The following OR1J2 variants were observed in gnomAD, a reference collection of about 807,000 sequenced individuals.
OR1J2 encodes olfactory receptor family 1 subfamily J member 2.
For synonymous variants in OR1J2, 142 were observed against 99.7 expected (o/e 1.42, Z -2.52); for missense variants, 304 against 246.1 (o/e 1.24, Z -1.57).
the OR1J2 span, chr9:122,553,254 T>C: frequency 2.5e-6 from 4 of 1,613,780 alleles, no homozygotes; most frequent in Non-Finnish European, 3.4e-6. Context: ...TGTTTCAGAC[T>C]TCCTCCTTCT....
chr9:122,541,846 G>A, the OR1J2 span, among the ~76,000 whole-genome samples: 2 of 152,104 alleles, frequency 1.3e-5, no homozygotes, highest in Non-Finnish European at 2.9e-5. Flanking sequence ...ATGTTATTTG[G>A]TTACGGCATA....
chr9:122,520,004 C>G, the OR1J2 span: 1 of 1,614,074 alleles, frequency 6.2e-7, no homozygotes, highest in African/African-American at 1.3e-5. Flanking sequence ...TGAATCCCTT[C>G]ATTTATAGCC....
chr9:122,519,608 C>G, the OR1J2 span: 1 of 1,614,042 alleles, frequency 6.2e-7, no homozygotes, highest in Non-Finnish European at 8.5e-7. Flanking sequence ...GTACCAATGC[C>G]CTGTCTCACA....
At chr9:122,489,920 G>A in the OR1J2 span, among the ~76,000 whole-genome samples, 2 of 152,162 alleles carry the variant, frequency 1.3e-5, no homozygotes, top group East Asian at 3.9e-4. Context: ...GCTTTGCAAG[G>A]AGAGTAATAT....
the OR1J2 span, among the ~76,000 whole-genome samples, chr9:122,531,072 A>AT: frequency 1.2e-4 from 19 of 152,052 alleles, no homozygotes; most frequent in Non-Finnish European, 2.6e-4. Flanking sequence ...GATGGTGAAA[A>AT]TTTTTTGGGG....
downstream of OR1J2, among the ~76,000 whole-genome samples, chr9:122,515,262 A>G (rs1828683325): frequency 6.6e-6 from 1 of 152,096 alleles, no homozygotes; most frequent in South Asian, 2.1e-4. Flanking sequence ...TTGGTCTCCT[A>G]GAAAGAAGCT....
chr9:122,552,507 GGA>G, the OR1J2 span, among the ~76,000 whole-genome samples: 1 of 152,130 alleles, frequency 6.6e-6, no homozygotes, highest in Non-Finnish European at 1.5e-5. Flanking sequence ...GTGATGGAAG[GGA>G]GAGAGTGGCT....
the OR1J2 span, among the ~76,000 whole-genome samples, chr9:122,556,024 C>A: frequency 6.6e-6 from 1 of 152,210 alleles, no homozygotes; most frequent in Non-Finnish European, 1.5e-5. Context: ...TGTGCTTCAT[C>A]TAGTTATTCC....
At chr9:122,454,072 G>A in the OR1J2 span, among the ~76,000 whole-genome samples, 2 of 152,180 alleles carry the variant, frequency 1.3e-5, no homozygotes, top group Non-Finnish European at 2.9e-5. Context: ...CGTACATAAG[G>A]TCTCAGGTAA....
chr9:122,527,179 CA>C, the OR1J2 span: 3 of 1,614,140 alleles, frequency 1.9e-6, no homozygotes, highest in African/African-American at 4.0e-5. Flanking sequence ...AGCAGGTTCC[CA>C]GTCAAGGTGA....
At chr9:122,534,314 A>C in the OR1J2 span, among the ~76,000 whole-genome samples, 4 of 152,176 alleles carry the variant, frequency 2.6e-5, no homozygotes, top group African/African-American at 4.8e-5. Context: ...CAGATTGGGT[A>C]GTAAAATGTA....
At chr9:122,571,091 A>G in the OR1J2 span, among the ~76,000 whole-genome samples, 1 of 152,222 alleles carries the variant, frequency 6.6e-6, no homozygotes, top group Non-Finnish European at 1.5e-5. Context: ...TTTCTACAGA[A>G]TTACCCTCTT....
At chr9:122,458,381 G>A in the OR1J2 span, among the ~76,000 whole-genome samples, 1 of 152,056 alleles carries the variant, frequency 6.6e-6, no homozygotes, top group African/African-American at 2.4e-5. Flanking sequence ...TATTTTGATG[G>A]GTTCAAAAAG....
the OR1J2 span, among the ~76,000 whole-genome samples, chr9:122,447,917 G>C: frequency 1.3e-5 from 2 of 152,154 alleles, no homozygotes; most frequent in Admixed American, 6.5e-5. Flanking sequence ...CGGGAGGATT[G>C]GTTGAGCCCG....
chr9:122,534,628 G>C, the OR1J2 span, among the ~76,000 whole-genome samples: 2 of 152,140 alleles, frequency 1.3e-5, no homozygotes, highest in African/African-American at 4.8e-5. Flanking sequence ...AGGAGCGGAG[G>C]CTGAGGAATA....
the OR1J2 span, chr9:122,553,962 G>T: frequency 6.2e-7 from 1 of 1,613,698 alleles, no homozygotes; most frequent in African/African-American, 1.3e-5. Context: ...TCTCACGGTG[G>T]TTCTGCTCTT....
At chr9:122,459,526 T>C in the OR1J2 span, among the ~76,000 whole-genome samples, 1 of 152,224 alleles carries the variant, frequency 6.6e-6, no homozygotes, top group Non-Finnish European at 1.5e-5. Flanking sequence ...ACTCTGTTTC[T>C]AAGCAGCTTA....
At chr9:122,532,611 C>T in the OR1J2 span, among the ~76,000 whole-genome samples, 24 of 112,996 alleles carry the variant, frequency 2.1e-4, no homozygotes, top group East Asian at 1.3e-3. Flanking sequence ...ACTGTATATG[C>T]ATCAGGTGTG....
the OR1J2 span, among the ~76,000 whole-genome samples, chr9:122,457,389 AAG>A: frequency 6.6e-6 from 1 of 152,350 alleles, no homozygotes; most frequent in African/African-American, 2.4e-5. Flanking sequence ...AAATTAAAAA[AAG>A]AAAAATCACT....
Sources: allele counts gnomAD v4.1 joint callset (sites outside exome capture counted in the v4.1 genomes callset), GRCh38; gene constraint gnomAD v4.1.1; transcripts MANE v1.5; gene names NCBI Gene and HGNC (gene_info 2026-07-23, HGNC 2026-07-21).